The following TEKT5 variants were observed in gnomAD, a reference collection of about 807,000 sequenced individuals.
TEKT5 encodes tektin 5.
TEKT5 carries 52 observed loss-of-function variants against 48.7 expected under a neutral mutation model. The ratio of observed to expected loss-of-function variants is 1.07; its 90% CI spans 0.86 to 1.35. The LOEUF is 1.35. Among genes scored for constraint, TEKT5 ranks in the 40% most tolerant of loss-of-function variants. The pLI is 0.00. For synonymous variants in TEKT5, 318 were observed against 267.6 expected, an observed-to-expected ratio of 1.19 and a Z score of -1.84; for missense variants, 831 against 641.6, an observed-to-expected ratio of 1.30 and a Z score of -3.19.
At chr16:10,676,445 G>T (rs998802224) in intron 4 of TEKT5, among the ~76,000 whole-genome samples, 6 of 152,152 alleles carry the variant, frequency 3.9e-5, no homozygotes. Context: ...GCCCCTTGTT[G>T]AGAACCACTG....
At chr16:10,660,316 T>C (rs1478593945) in intron 5 of TEKT5, among the ~76,000 whole-genome samples, 2 of 152,210 alleles carry the variant, frequency 1.3e-5, no homozygotes, top group Non-Finnish European at 2.9e-5. Context: ...CAGGTGGCTC[T>C]TTGGGCCACA....
intron 5 of TEKT5, among the ~76,000 whole-genome samples, chr16:10,641,072 T>A (rs12931459): frequency 0.21 from 31,426 of 152,144 alleles, 4,853 homozygotes; most frequent in African/African-American, 0.43. Context: ...CCAGGTTTCT[T>A]GTTTTCATTC....
rs1046974106 is a variant in TEKT5, at chr16:10,682,247, T to C, written c.720-111A>G. The C allele has an allele frequency of 7.2e-5, 93 of 1,297,744 alleles. No individual in the cohort carries two copies. In the African/African-American group the frequency reaches 1.2e-3, roughly 17 times the overall value. The allele number at this position is 1,297,744 out of a possible 1,614,324, so 80.4% of individuals were successfully genotyped here. On this transcript the variant is annotated intron_variant, in intron 3 of 6. Transcript: ENST00000283025. ...CCTGGACTCCCAGAAAGCCACCCAG[T>C]AGCTTCTCAGTCCTCTTCCCACCTC...
At chr16:10,665,206 C>T (rs1596411117) in intron 5 of TEKT5, among the ~76,000 whole-genome samples, 1 of 152,250 alleles carries the variant, frequency 6.6e-6, no homozygotes, top group South Asian at 2.1e-4. Context: ...GTGGAGGAGT[C>T]ATCACTTGGA....
chr16:10,657,240 C>T (rs1898277208), intron 5 of TEKT5, among the ~76,000 whole-genome samples: 1 of 151,876 alleles, frequency 6.6e-6, no homozygotes, highest in African/African-American at 2.4e-5. Flanking sequence ...ATTCTCCTGC[C>T]TCAGCCTTCT....
In TEKT5 at chr16:10,691,310, C is replaced by G. The variant is rs117656399; in HGVS notation, c.565-1285G>C. On this transcript the variant is annotated intron_variant, in intron 1 of 6. Coordinates refer to ENST00000283025, the MANE Select transcript of TEKT5 (RefSeq NM_144674.2). ...ACTGCACTCCAGCCTGAGCAACAGA[C>G]AAAGACCCTGTCTCAAACAACATCA... 0.017 allele frequency: 2,604 copies of G among 152,234 alleles called. 133 individuals are homozygous for G. In the East Asian group the frequency reaches 0.17, roughly 10 times the overall value. The allele number at this position is 152,234 out of a possible 1,614,324, so 9.4% of individuals were successfully genotyped here.
intron 4 of TEKT5, among the ~76,000 whole-genome samples, chr16:10,679,145 G>C (rs938705339): frequency 6.6e-6 from 1 of 152,162 alleles, no homozygotes; most frequent in Non-Finnish European, 1.5e-5. Context: ...TGAAGTCCTT[G>C]TCATGGCACT....
rs556110844 is a variant in TEKT5, at chr16:10,692,015, A to T, written c.565-1990T>A. Reference sequence around the variant, plus strand: ...AAGGGAACCAGTGGCTGCTGTAAGGACAATGGATTGGAAGGGAGCAGGAAT... The same window carrying T: ...AAGGGAACCAGTGGCTGCTGTAAGGTCAATGGATTGGAAGGGAGCAGGAAT... On this transcript the variant is annotated intron_variant, in intron 1 of 6. Transcript: ENST00000283025. Among the ~76,000 whole-genome samples the T allele has an allele frequency of 6.6e-5, 10 of 151,552 alleles. No homozygotes were observed. The East Asian group carries it at 1.6e-3, about 24-fold the overall frequency.
chr16:10,659,847 T>C (rs1898331807), intron 5 of TEKT5, among the ~76,000 whole-genome samples: 1 of 152,136 alleles, frequency 6.6e-6, no homozygotes, highest in African/African-American at 2.4e-5. Context: ...GGGTTTTGTT[T>C]TGGGGTGACG....
intron 4 of TEKT5, among the ~76,000 whole-genome samples, chr16:10,680,978 G>A (rs1421447521): frequency 6.7e-6 from 1 of 148,826 alleles, no homozygotes; most frequent in Non-Finnish European, 1.5e-5. Context: ...CCTGCACATT[G>A]TGCACATGTA....
intron 5 of TEKT5, among the ~76,000 whole-genome samples, chr16:10,640,360 C>T (rs921900184): frequency 6.6e-6 from 1 of 152,066 alleles, no homozygotes; most frequent in African/African-American, 2.4e-5. Context: ...GTGATCCTGC[C>T]GCCTCAACCT....
rs187428057 is a variant in TEKT5 at position 10,635,544 on chromosome 16, G to A, written c.1241+220C>T. 5.7e-4 allele frequency among the ~76,000 whole-genome samples: 87 copies of A among 152,240 alleles called. 1 individual carries two copies. Among genetic ancestry groups the A allele is most frequent in the African/African-American group, 2.0e-3 (83 of 41,516 alleles). ...GTGAGAAGACCACAGTGCACAGGGT[G>A]GGGCTCCCAGTGATGAGGAAGCCAC... On this transcript the variant is annotated intron_variant, in intron 6 of 6. Coordinates refer to ENST00000283025, the MANE Select transcript of TEKT5 (RefSeq NM_144674.2).
chr16:10,627,670 C>T lies in TEKT5; in HGVS notation c.1371G>A (p.Lys457=), dbSNP rs905067017. 1 of 1,614,078 alleles carries T rather than the reference C, an allele frequency of 6.2e-7. No homozygotes were observed. The highest frequency in any genetic ancestry group is 1.3e-5 in the African/African-American group (1 of 74,942). ...KCRLEHELAI[K]ANTLCIDKEK... ...CCTTGTCGATGCAGAGGGTGTTGGC[C>T]TTGATGGCGAGCTCGTGCTCCAGCC... The change falls in exon 7 of 7, where the codon AAG becomes AAA. Residue 457 remains lysine (K), a synonymous_variant. Transcript: ENST00000283025.
chr16:10,694,375 G>A lies in TEKT5; in HGVS notation c.499C>T (p.Gln167Ter). 6.2e-7 allele frequency: 1 copy of A among 1,613,898 alleles called. No individual in the cohort carries two copies. The highest frequency in any genetic ancestry group is 8.5e-7 in the Non-Finnish European group (1 of 1,179,924). ...YELDRLLTEN[Q>*]NLETVKRRLE... Reference sequence around the variant, plus strand: ...CGCCTCTTGACCGTCTCCAAGTTCTGGTTCTCAGTCAGAAGCCTGTCCAGC... The same window carrying A: ...CGCCTCTTGACCGTCTCCAAGTTCTAGTTCTCAGTCAGAAGCCTGTCCAGC... The change falls in exon 1 of 7, where the codon CAG becomes TAG. Residue 167 changes from glutamine to a stop codon, truncating the protein, a stop_gained. Transcript: ENST00000283025. LOFTEE classifies it high-confidence loss of function.
At chr16:10,637,898 C>T (rs1246160812) in intron 5 of TEKT5, among the ~76,000 whole-genome samples, 1 of 152,222 alleles carries the variant, frequency 6.6e-6, no homozygotes, top group Non-Finnish European at 1.5e-5. Flanking sequence ...ACAGCCTCGA[C>T]CTCCAGGGCT....
chr16:10,640,084 T>TTCCTTCCTTTCTTC (rs1897971377), intron 5 of TEKT5, among the ~76,000 whole-genome samples: 1 of 149,994 alleles, frequency 6.7e-6, no homozygotes, highest in Non-Finnish European at 1.5e-5. Context: ...CTTCTTCTCC[T>TTCCTTCCTTTCTTC]TCCTTCCTTC....
At chr16:10,631,640 T>C (rs1001596610) in intron 6 of TEKT5, among the ~76,000 whole-genome samples, 3 of 152,100 alleles carry the variant, frequency 2.0e-5, no homozygotes, top group Non-Finnish European at 2.9e-5. Context: ...GGGTGACACC[T>C]AAATCCAATG....
chr16:10,640,281 T>G (rs975355220), intron 5 of TEKT5, among the ~76,000 whole-genome samples: 7 of 152,044 alleles, frequency 4.6e-5, no homozygotes, highest in Non-Finnish European at 2.9e-5. Context: ...TAGCTGGGAC[T>G]ACAGGTGCCT....
intron 3 of TEKT5, among the ~76,000 whole-genome samples, chr16:10,684,672 T>A (rs756916115): frequency 2.0e-5 from 3 of 148,892 alleles, no homozygotes; most frequent in South Asian, 2.1e-4. Flanking sequence ...GAGGGAAACC[T>A]GGGGGCCTCA....
Sources: gnomAD v4.1 joint callset for allele counts (sites outside exome capture counted in the v4.1 genomes callset) on GRCh38, gnomAD v4.1.1 for gene constraint, MANE v1.5 for transcripts, NCBI Gene and HGNC (gene_info 2026-07-23, HGNC 2026-07-21) for gene names.